The following ARPP21 variants were observed in gnomAD, a reference collection of about 807,000 sequenced individuals.
ARPP21 encodes the protein cAMP regulated phosphoprotein 21, also known as cAMP-regulated phosphoprotein 21.
A neutral mutation model predicts 113.2 loss-of-function variants in ARPP21; 69 were observed. That is an observed-to-expected ratio of 0.61 (90% CI 0.50 to 0.74). The LOEUF is 0.74. ARPP21 is among the 30% of genes least tolerant of loss of function. The pLI is 0.00. For missense variants in ARPP21, 1,070 were observed against 1,037.4 expected, an observed-to-expected ratio of 1.03 and a Z score of -0.43; for synonymous variants, 368 against 375.5, an observed-to-expected ratio of 0.98 and a Z score of 0.23.
At chr3:35,743,611 A>G in intron 18 of ARPP21, among the ~76,000 whole-genome samples, 1 of 152,204 alleles carries the variant, frequency 6.6e-6, no homozygotes, top group Admixed American at 6.5e-5. Context: ...TTTCTGCCTC[A>G]TGGCGTTGGT....
intron 19 of ARPP21, among the ~76,000 whole-genome samples, chr3:35,775,926 C>T (rs1162174154): frequency 6.6e-6 from 1 of 152,070 alleles, no homozygotes; most frequent in East Asian, 1.9e-4. Context: ...AGCCAGCTGA[C>T]TTTTTAAATG....
At chr3:35,786,952 C>T (rs902934439) in intron 19 of ARPP21, among the ~76,000 whole-genome samples, 7 of 152,108 alleles carry the variant, frequency 4.6e-5, no homozygotes, top group African/African-American at 1.2e-4. Flanking sequence ...CTGTTTTCTC[C>T]ACCTAAGGCT....
At chr3:35,642,610 T>G (rs2148846419) in intron 1 of ARPP21, among the ~76,000 whole-genome samples, 1 of 152,310 alleles carries the variant, frequency 6.6e-6, no homozygotes, top group Middle Eastern at 3.4e-3. Flanking sequence ...AGTTCCTGCA[T>G]GCAGACTATT....
At chr3:35,685,772 C>A in intron 5 of ARPP21, 16 of 944,228 alleles carry the variant, frequency 1.7e-5, no homozygotes, top group Non-Finnish European at 2.0e-5. Flanking sequence ...TTGAATCACT[C>A]TTTTACTGTT....
At chr3:35,719,694 C>A (rs1025248428) in intron 13 of ARPP21, among the ~76,000 whole-genome samples, 1 of 152,118 alleles carries the variant, frequency 6.6e-6, no homozygotes, top group African/African-American at 2.4e-5. Flanking sequence ...CAAGGGATCA[C>A]CCCCATATGG....
chr3:35,738,737 T>G (rs575005490), intron 17 of ARPP21, among the ~76,000 whole-genome samples: 20 of 152,330 alleles, frequency 1.3e-4, no homozygotes, highest in African/African-American at 4.8e-4. Context: ...TTCTTTCATT[T>G]TTCCCTCAAG....
At chr3:35,643,470 G>A (rs769097192) in intron 1 of ARPP21, among the ~76,000 whole-genome samples, 21 of 152,152 alleles carry the variant, frequency 1.4e-4, no homozygotes, top group Non-Finnish European at 2.7e-4. Context: ...TTCCCTTAGT[G>A]GTCATGCCTT....
chr3:35,667,905 AAGAGGAAGG>A (rs146886272), intron 1 of ARPP21, among the ~76,000 whole-genome samples: 8,243 of 92,824 alleles, frequency 0.089, 1,061 homozygotes, highest in South Asian at 0.15. Context: ...GAGGAAGAGG[AAGAGGAAGG>A]AGGAGGAGGA....
intron 19 of ARPP21, among the ~76,000 whole-genome samples, chr3:35,788,634 T>A (rs1205943050): frequency 6.6e-6 from 1 of 152,214 alleles, no homozygotes; most frequent in Admixed American, 6.5e-5. Context: ...TGTCATTTCA[T>A]TCATTTCCAA....
chr3:35,785,615 T>C (rs1201347343), intron 19 of ARPP21, among the ~76,000 whole-genome samples: 3 of 152,168 alleles, frequency 2.0e-5, no homozygotes, highest in Non-Finnish European at 4.4e-5. Flanking sequence ...CCTGCAGTAA[T>C]AGGATGGTTC....
chr3:35,748,094 GA>G (rs776636457), intron 19 of ARPP21, among the ~76,000 whole-genome samples: 1 of 122,542 alleles, frequency 8.2e-6, no homozygotes, highest in South Asian at 2.6e-4. Flanking sequence ...AAGAAAGAAA[GA>G]AAGAAAGAAA....
intron 10 of ARPP21, among the ~76,000 whole-genome samples, chr3:35,708,352 CAACAAACAGG>C (rs1175505494): frequency 6.6e-6 from 1 of 152,148 alleles, no homozygotes; most frequent in African/African-American, 2.4e-5. Flanking sequence ...TGACTCTTGT[CAACAAACAGG>C]TTTTTAAAAT....
chr3:35,650,133 A>G (rs1033233322), intron 1 of ARPP21: 2 of 152,054 alleles, frequency 1.3e-5, no homozygotes, highest in Admixed American at 1.3e-4. Context: ...AGATTTTGAC[A>G]CCGTTGATAT....
intron 11 of ARPP21, among the ~76,000 whole-genome samples, chr3:35,713,436 C>T (rs972397169): frequency 2.6e-5 from 4 of 151,868 alleles, no homozygotes. Context: ...GTCCCTGTCA[C>T]CTAGGTTGGA....
At chr3:35,717,380 A>C (rs1156428305) in intron 13 of ARPP21, 23 bp downstream of exon 13, 1 of 1,495,626 alleles carries the variant, frequency 6.7e-7, no homozygotes, top group Non-Finnish European at 9.3e-7. Context: ...TACTTTCTTA[A>C]ACTGTGTTTT....
chr3:35,739,004 C>A (rs1249530185), intron 17 of ARPP21, among the ~76,000 whole-genome samples: 2 of 152,104 alleles, frequency 1.3e-5, no homozygotes, highest in Non-Finnish European at 2.9e-5. Context: ...GAACATCAAG[C>A]CTTCCTTGTG....
intron 19 of ARPP21, among the ~76,000 whole-genome samples, chr3:35,761,451 C>T (rs1263988373): frequency 2.6e-5 from 4 of 152,074 alleles, no homozygotes; most frequent in Non-Finnish European, 5.9e-5. Context: ...CACATGAAGA[C>T]AGGGCTGTTT....
At chr3:35,769,526 T>A (rs2096118432) in intron 19 of ARPP21, among the ~76,000 whole-genome samples, 1 of 152,200 alleles carries the variant, frequency 6.6e-6, no homozygotes, top group Non-Finnish European at 1.5e-5. Context: ...CGCTTTGCTT[T>A]AAGTCTGTCA....
intron 18 of ARPP21, among the ~76,000 whole-genome samples, chr3:35,742,210 GAC>G (rs2094709515): frequency 6.6e-6 from 1 of 152,140 alleles, no homozygotes; most frequent in Non-Finnish European, 1.5e-5. Flanking sequence ...ATTTAAGCAA[GAC>G]AGTCTTTTCT....
Sources: allele counts gnomAD v4.1 joint callset (sites outside exome capture counted in the v4.1 genomes callset), GRCh38; gene constraint gnomAD v4.1.1; transcripts MANE v1.5; gene names NCBI Gene and HGNC (gene_info 2026-07-23, HGNC 2026-07-21).